CCDC85A: variants seen among roughly 807,000 people sequenced by gnomAD.
CCDC85A encodes the protein coiled-coil domain containing 85A, also known as coiled-coil domain-containing protein 85A.
CCDC85A carries 38 observed loss-of-function variants against 50.2 expected under a neutral mutation model. The ratio of observed to expected loss-of-function variants is 0.76; its 90% CI spans 0.58 to 0.99. The LOEUF is 0.99. Among genes scored for constraint, CCDC85A ranks in the 50% least tolerant of loss-of-function variants. CCDC85A has a pLI of 0.00. For missense variants in CCDC85A, 820 were observed against 742.0 expected (o/e 1.11, Z -1.22); for synonymous variants, 366 against 301.4 (o/e 1.21, Z -2.22).
At chr2:56,310,957 T>C (rs1390485415) in intron 2 of CCDC85A, among the ~76,000 whole-genome samples, 1 of 152,220 alleles carries the variant, frequency 6.6e-6, no homozygotes, top group African/African-American at 2.4e-5. Flanking sequence ...CTCTTAGTCC[T>C]TGCAATGCTG....
At chr2:56,383,729 A>G (rs1298320584) in intron 5 of CCDC85A, 1 of 985,002 alleles carries the variant, frequency 1.0e-6, no homozygotes, top group African/African-American at 1.7e-5. Flanking sequence ...CCACCTCAGG[A>G]CTTAAATAGC....
chr2:56,297,263 C>T (rs1158070206), intron 2 of CCDC85A, among the ~76,000 whole-genome samples: 3 of 152,088 alleles, frequency 2.0e-5, no homozygotes, highest in Non-Finnish European at 4.4e-5. Flanking sequence ...TACTGGTATG[C>T]TAAGAGGACT....
intron 2 of CCDC85A, among the ~76,000 whole-genome samples, chr2:56,269,832 T>A (rs1211311021): frequency 2.6e-5 from 4 of 152,178 alleles, no homozygotes; most frequent in Non-Finnish European, 5.9e-5. Context: ...CTCTCTTGCG[T>A]TATTTCAGAT....
At position 56,184,737 on chromosome 2, in the gene CCDC85A, A is replaced by G. The variant is rs562834438; in HGVS notation, c.113A>G (p.Lys38Arg). 2.6e-6 allele frequency: 4 copies of G among 1,542,438 alleles called. No individual in the cohort carries two copies. In the South Asian group the frequency reaches 3.6e-5, roughly 14 times the overall value. The part of the protein sequence containing the change: ...APPAPVEDLS[K>R]VSDEELLQWS... ...CCCGCGCCGGTGGAGGACCTGTCCA[A>G]AGTGTCGGACGAGGAGCTGCTGCAG... The change falls in exon 1 of 6, where the codon AAA becomes AGA. Residue 38 changes from lysine (K) to arginine (R), a missense_variant. Coordinates refer to ENST00000407595, the MANE Select transcript of CCDC85A (RefSeq NM_001080433.2).
intron 2 of CCDC85A, among the ~76,000 whole-genome samples, chr2:56,233,550 T>G (rs1668868511): frequency 6.6e-6 from 1 of 152,108 alleles, no homozygotes; most frequent in South Asian, 2.1e-4. Context: ...ATGACTGTCT[T>G]CCAATAAAAT....
intron 2 of CCDC85A, among the ~76,000 whole-genome samples, chr2:56,264,241 C>G (rs761443186): frequency 5.9e-5 from 9 of 152,096 alleles, no homozygotes; most frequent in Non-Finnish European, 8.8e-5. Flanking sequence ...ACTCCAGATT[C>G]TTATATCTAA....
chr2:56,236,138 C>A (rs1392664740), intron 2 of CCDC85A, among the ~76,000 whole-genome samples: 2 of 152,100 alleles, frequency 1.3e-5, no homozygotes. Flanking sequence ...AATACAATAA[C>A]AGAATTGTAA....
Position 56,384,320 on chromosome 2 carries a change from C to T in CCDC85A, c.1627C>T (p.His543Tyr), listed in dbSNP as rs1485848797. The change falls in exon 6 of 6, where the codon CAT (histidine) becomes TAT (tyrosine). Residue 543 changes from histidine (H) to tyrosine (Y), a missense_variant. By Grantham distance (83) the His-to-Tyr change is moderately conservative. Transcript: ENST00000407595. ...AGGTTCGTGTCCTGGAATTAGGCAA[C>T]ATTTGTCAGGAAACCAGTACAAAGG... ...AAGSCPGIRQHLSGNQYKGPM is the reference protein window; with the variant it reads ...AAGSCPGIRQYLSGNQYKGPM 6.2e-7 allele frequency: 1 copy of T among 1,611,134 alleles called. No individual in the cohort carries two copies. The highest frequency in any genetic ancestry group is 8.5e-7 in the Non-Finnish European group (1 of 1,178,096).
intron 3 of CCDC85A, among the ~76,000 whole-genome samples, chr2:56,357,655 C>CTTTTTTTT (rs67738219): frequency 6.1e-5 from 7 of 114,598 alleles, no homozygotes; most frequent in Admixed American, 9.3e-5. Flanking sequence ...TGTCCATTTC[C>CTTTTTTTT]TTTTTTTTTT....
intron 5 of CCDC85A, among the ~76,000 whole-genome samples, chr2:56,381,337 T>C (rs1261205024): frequency 2.0e-5 from 3 of 152,088 alleles, no homozygotes; most frequent in South Asian, 4.1e-4. Context: ...GCCTGTTGCT[T>C]CTCATCTATT....
chr2:56,286,427 C>T (rs1573177991), intron 2 of CCDC85A, among the ~76,000 whole-genome samples: 1 of 152,072 alleles, frequency 6.6e-6, no homozygotes, highest in Non-Finnish European at 1.5e-5. Flanking sequence ...ATGCTTTCAT[C>T]TATGTTCTTC....
intron 2 of CCDC85A, among the ~76,000 whole-genome samples, chr2:56,283,128 G>C (rs1009665720): frequency 6.6e-6 from 1 of 152,046 alleles, no homozygotes; most frequent in Non-Finnish European, 1.5e-5. Context: ...TTTCCAATAT[G>C]TGTAGTTTAT....
At chr2:56,348,231 C>T (rs1293709993) in intron 3 of CCDC85A, among the ~76,000 whole-genome samples, 1 of 152,122 alleles carries the variant, frequency 6.6e-6, no homozygotes. Flanking sequence ...GCTTGGAAAG[C>T]AGTATATATT....
intron 5 of CCDC85A, chr2:56,379,798 G>A (rs1179286747): frequency 1.2e-5 from 12 of 984,828 alleles, no homozygotes; most frequent in Non-Finnish European, 1.4e-5. Context: ...TAAAGAGTAT[G>A]AACATGACCT....
At chr2:56,245,911 G>C (rs1020158418) in intron 2 of CCDC85A, among the ~76,000 whole-genome samples, 4 of 152,192 alleles carry the variant, frequency 2.6e-5, no homozygotes, top group African/African-American at 9.7e-5. Context: ...AGAACTGGGA[G>C]AAATAAATTT....
At chr2:56,334,709 A>C (rs1355504740) in intron 2 of CCDC85A, among the ~76,000 whole-genome samples, 1 of 152,204 alleles carries the variant, frequency 6.6e-6, no homozygotes, top group Non-Finnish European at 1.5e-5. Context: ...AATCTTTGGC[A>C]TTTCTGATTA....
intron 1 of CCDC85A, 92 bp downstream of exon 1, chr2:56,184,992 T>C: frequency 7.3e-7 from 1 of 1,375,896 alleles, no homozygotes; most frequent in East Asian, 2.8e-5. Flanking sequence ...CCTCCCTCCC[T>C]CAACAGGTGA....
Position 56,350,475 on chromosome 2 carries a change from A to G in CCDC85A, c.1317+7520A>G, listed in dbSNP as rs191890609. Among the ~76,000 whole-genome samples, 40 of 152,334 alleles carry G rather than the reference A, an allele frequency of 2.6e-4. No homozygotes were observed. In the East Asian group the frequency reaches 6.9e-3, roughly 26 times the overall value. Reference sequence around the variant, plus strand: ...AATCCAGTCTTCTGTTTTCTAATAAAGTAAGGTAACAGGCTCATAGAAAGT... The same window carrying G: ...AATCCAGTCTTCTGTTTTCTAATAAGGTAAGGTAACAGGCTCATAGAAAGT... On this transcript the variant is annotated intron_variant, in intron 3 of 5. Transcript: ENST00000407595.
chr2:56,316,284 C>T (rs1427648170), intron 2 of CCDC85A, among the ~76,000 whole-genome samples: 1 of 152,076 alleles, frequency 6.6e-6, no homozygotes, highest in African/African-American at 2.4e-5. Context: ...ATATAATTCT[C>T]CTATAAGCTA....
Sources: gnomAD v4.1 joint callset for allele counts (sites outside exome capture counted in the v4.1 genomes callset) on GRCh38, gnomAD v4.1.1 for gene constraint, MANE v1.5 for transcripts, NCBI Gene and HGNC (gene_info 2026-07-23, HGNC 2026-07-21) for gene names.